Variants in TRMT11 observed in about 807,000 individuals in gnomAD.
TRMT11 encodes tRNA methyltransferase 11.
A neutral mutation model predicts 62.8 loss-of-function variants in TRMT11; 53 were observed. The observed-to-expected ratio is 0.84, with a 90% CI of 0.68 to 1.06. The LOEUF is 1.06. Among genes scored for constraint, TRMT11 ranks in the 50% least tolerant of loss-of-function variants. The probability of loss-of-function intolerance (pLI) is 0.00; values close to 1 mark genes in which losing one functional copy is unlikely to be tolerated. For missense variants in TRMT11, 556 were observed against 553.4 expected (o/e 1.00, Z -0.05); for synonymous variants, 188 against 190.3 (o/e 0.99, Z 0.10).
chr6:125,998,809 A>G (rs1376414378), intron 6 of TRMT11, 125 bp downstream of exon 6: 4 of 867,554 alleles, frequency 4.6e-6, no homozygotes, highest in Non-Finnish European at 7.0e-6. Context: ...ATGGATTAAA[A>G]TTGGTGAAGA....
chr6:126,198,628 C>T (rs1778698818), intron 1 of TRMT11, among the ~76,000 whole-genome samples: 1 of 152,192 alleles, frequency 6.6e-6, no homozygotes, highest in Non-Finnish European at 1.5e-5. Context: ...TTAGACCACA[C>T]TATTTAGTTA....
intron 17 of TRMT11, among the ~76,000 whole-genome samples, chr6:126,100,644 C>G (rs1254584699): frequency 6.6e-6 from 1 of 152,190 alleles, no homozygotes; most frequent in Non-Finnish European, 1.5e-5. Flanking sequence ...TGAACTTGTG[C>G]TATACAACAG....
intron 21 of TRMT11, among the ~76,000 whole-genome samples, chr6:126,127,579 G>A (rs1019884536): frequency 6.6e-6 from 1 of 151,590 alleles, no homozygotes; most frequent in African/African-American, 2.4e-5. Context: ...ATGTACACAT[G>A]TACCATGTTG....
the TRMT11 span, among the ~76,000 whole-genome samples, chr6:126,229,677 T>G: frequency 1.3e-5 from 2 of 152,324 alleles, no homozygotes; most frequent in Admixed American, 1.3e-4. Flanking sequence ...TAAAATTTAT[T>G]ATAGTGATGA....
At chr6:126,221,943 G>C in the TRMT11 span, among the ~76,000 whole-genome samples, 2 of 152,080 alleles carry the variant, frequency 1.3e-5, no homozygotes, top group Non-Finnish European at 2.9e-5. Context: ...TATATTTCTA[G>C]GTTTTACATT....
chr6:126,243,944 C>T, the TRMT11 span, among the ~76,000 whole-genome samples: 1 of 151,834 alleles, frequency 6.6e-6, no homozygotes, highest in South Asian at 2.1e-4. Flanking sequence ...AAAAAAGGGC[C>T]AGAAGAAAAA....
At chr6:126,168,267 C>G (rs536469912) in intron 21 of TRMT11, among the ~76,000 whole-genome samples, 1 of 152,286 alleles carries the variant, frequency 6.6e-6, no homozygotes, top group Admixed American at 6.5e-5. Context: ...TTTATGGTTT[C>G]TCCAACAGTC....
chr6:126,156,664 G>A (rs886556508), intron 21 of TRMT11, among the ~76,000 whole-genome samples: 2 of 152,178 alleles, frequency 1.3e-5, no homozygotes, highest in African/African-American at 4.8e-5. Context: ...GGTGAGGGCC[G>A]TCATGGTGGA....
chr6:126,105,983 G>T (rs1170219867), intron 17 of TRMT11, among the ~76,000 whole-genome samples: 1 of 152,106 alleles, frequency 6.6e-6, no homozygotes, highest in Non-Finnish European at 1.5e-5. Flanking sequence ...CAAATGCCTG[G>T]AATAGTGCCA....
downstream of TRMT11, among the ~76,000 whole-genome samples, chr6:126,208,017 G>T (rs1778805922): frequency 6.6e-6 from 1 of 152,204 alleles, no homozygotes; most frequent in African/African-American, 2.4e-5. Context: ...AGGATTGTTT[G>T]TGAGTAATGA....
chr6:126,176,082 G>T (rs922985821), upstream of TRMT11, among the ~76,000 whole-genome samples: 1 of 152,140 alleles, frequency 6.6e-6, no homozygotes, highest in African/African-American at 2.4e-5. Flanking sequence ...TCACTGAAAC[G>T]CCAATTTGTT....
chr6:126,264,592 A>T, the TRMT11 span, among the ~76,000 whole-genome samples: 10 of 152,328 alleles, frequency 6.6e-5, no homozygotes, highest in Middle Eastern at 3.4e-3. Context: ...ATTCACTTTT[A>T]AATCAATAGA....
chr6:126,250,678 C>T, the TRMT11 span, among the ~76,000 whole-genome samples: 1 of 152,132 alleles, frequency 6.6e-6, no homozygotes, highest in South Asian at 2.1e-4. Flanking sequence ...TTTGTAGACA[C>T]TCACTACAGA....
intron 7 of TRMT11, among the ~76,000 whole-genome samples, chr6:126,000,021 C>T (rs1172123950): frequency 6.6e-6 from 1 of 152,106 alleles, no homozygotes; most frequent in Non-Finnish European, 1.5e-5. Flanking sequence ...AGTTTAAATT[C>T]ATAACTGTAT....
intron 12 of TRMT11, among the ~76,000 whole-genome samples, chr6:126,035,233 T>G (rs766337707): frequency 6.6e-6 from 1 of 152,064 alleles, no homozygotes; most frequent in Non-Finnish European, 1.5e-5. Context: ...ACTGAGTGTT[T>G]CGTGAGAAAT....
At chr6:126,164,365 T>G (rs1374769315) in intron 21 of TRMT11, among the ~76,000 whole-genome samples, 1 of 152,164 alleles carries the variant, frequency 6.6e-6, no homozygotes, top group African/African-American at 2.4e-5. Flanking sequence ...TCTGTTCTTT[T>G]GCAGTTGCTA....
chr6:126,225,738 C>T, the TRMT11 span, among the ~76,000 whole-genome samples: 11 of 143,396 alleles, frequency 7.7e-5, no homozygotes, highest in Non-Finnish European at 1.2e-4. Flanking sequence ...TGTCCCAGGC[C>T]GAAGTGCAAT....
chr6:126,240,693 G>A, the TRMT11 span, among the ~76,000 whole-genome samples: 24 of 152,322 alleles, frequency 1.6e-4, no homozygotes, highest in African/African-American at 5.1e-4. Context: ...CCATTCTCAG[G>A]TCTCTAGCTG....
At chr6:126,163,807 A>T (rs1300491822) in intron 21 of TRMT11, among the ~76,000 whole-genome samples, 1 of 152,030 alleles carries the variant, frequency 6.6e-6, no homozygotes, top group East Asian at 1.9e-4. Context: ...TTTCTGTGGG[A>T]TCAGTGGTGA....
Sources: allele counts gnomAD v4.1 joint callset (sites outside exome capture counted in the v4.1 genomes callset), GRCh38; gene constraint gnomAD v4.1.1; transcripts MANE v1.5; gene names NCBI Gene and HGNC (gene_info 2026-07-23, HGNC 2026-07-21).